The following FIP1L1 variants were observed in gnomAD, a reference collection of about 807,000 sequenced individuals.
The protein encoded by FIP1L1 is pre-mRNA 3'-end-processing factor FIP1.
FIP1L1 carries 21 observed loss-of-function variants against 84.6 expected under a neutral mutation model. The ratio of observed to expected loss-of-function variants is 0.25; its 90% confidence interval spans 0.18 to 0.36. The LOEUF is 0.36. FIP1L1 is among the 10% of genes least tolerant of loss of function. The pLI is 1.00. For synonymous variants in FIP1L1, 263 were observed against 242.3 expected (o/e 1.09, Z -0.80); for missense variants, 526 against 751.1 (o/e 0.70, Z 3.50).
At chr4:53,411,408 A>G (rs1757170488) in intron 10 of FIP1L1, among the ~76,000 whole-genome samples, 1 of 152,182 alleles carries the variant, frequency 6.6e-6, no homozygotes, top group African/African-American at 2.4e-5. Flanking sequence ...ACTCATTAGG[A>G]AAGTTTGTTT....
chr4:53,407,674 T>C (rs1054913740), intron 10 of FIP1L1, among the ~76,000 whole-genome samples: 23 of 152,024 alleles, frequency 1.5e-4, no homozygotes, highest in African/African-American at 4.1e-4. Context: ...CAGGACTTGC[T>C]TTATGATTCT....
At chr4:53,449,648 GAAT>G (rs1775592163) in intron 15 of FIP1L1, among the ~76,000 whole-genome samples, 1 of 151,912 alleles carries the variant, frequency 6.6e-6, no homozygotes, top group Admixed American at 6.6e-5. Flanking sequence ...ATAAGTCAGG[GAAT>G]AATCTTTTTT....
intron 14 of FIP1L1, 71 bp from the exon 15 acceptor site, chr4:53,443,977 T>G (rs1773116800): frequency 2.9e-6 from 3 of 1,050,904 alleles, no homozygotes. Context: ...TTGTTTTTCC[T>G]TTTGTACTAC....
At chr4:53,429,910 G>T (rs562167317) in intron 13 of FIP1L1, among the ~76,000 whole-genome samples, 12 of 152,082 alleles carry the variant, frequency 7.9e-5, no homozygotes, top group Non-Finnish European at 1.5e-4. Context: ...TCATTTTACT[G>T]AAACTTTTGT....
chr4:53,408,258 T>C (rs1754925282), intron 10 of FIP1L1, among the ~76,000 whole-genome samples: 1 of 152,202 alleles, frequency 6.6e-6, no homozygotes, highest in Non-Finnish European at 1.5e-5. Flanking sequence ...TTATGAAGCT[T>C]AATTTGGCTG....
intron 11 of FIP1L1, 96 bp from the exon 12 acceptor site, chr4:53,425,776 A>T (rs1216835758): frequency 1.2e-6 from 1 of 834,720 alleles, no homozygotes; most frequent in Admixed American, 2.5e-5. Context: ...TTTAAAATTT[A>T]TTGCAAACAC....
At chr4:53,378,069 G>T in intron 1 of FIP1L1, 146 bp downstream of exon 1, 3 of 656,464 alleles carry the variant, frequency 4.6e-6, no homozygotes, top group Non-Finnish European at 7.1e-6. Flanking sequence ...CGAGCGCGGC[G>T]TGCGCGTGCC....
chr4:53,398,353 T>A (rs1320457658), intron 9 of FIP1L1, among the ~76,000 whole-genome samples: 1 of 152,200 alleles, frequency 6.6e-6, no homozygotes, highest in Non-Finnish European at 1.5e-5. Context: ...AAATGTAAGA[T>A]CCTCATTATA....
rs191615069 is a variant in FIP1L1, at chr4:53,395,479, G to C, written c.705+3981G>C. ...GTGCCAGGAAGTACCTTAGGCTTTG[G>C]GGGGAAGGGGAGGTCACCATAATAG... On this transcript the variant is annotated intron_variant, in intron 9 of 17. Coordinates refer to ENST00000337488, the MANE Select transcript of FIP1L1 (RefSeq NM_030917.4). Among the ~76,000 whole-genome samples the C allele has an allele frequency of 7.3e-3, 1,115 of 152,238 alleles. 12 individuals are homozygous for C. Among genetic ancestry groups the C allele is most frequent in the African/African-American group, 0.025 (1,054 of 41,542 alleles).
chr4:53,377,979 C>T, intron 1 of FIP1L1, 56 bp downstream of exon 1: 2 of 1,417,664 alleles, frequency 1.4e-6, no homozygotes, highest in South Asian at 1.4e-5. Flanking sequence ...CCTCTTGGCC[C>T]TCAAACGGCC....
At chr4:53,382,176 A>T (rs1224407314) in intron 3 of FIP1L1, 102 bp from the exon 4 acceptor site, 3 of 774,840 alleles carry the variant, frequency 3.9e-6, no homozygotes, top group Middle Eastern at 3.3e-4. Flanking sequence ...AGTGGAGACA[A>T]TAATTTTAGG....
intron 13 of FIP1L1, among the ~76,000 whole-genome samples, chr4:53,437,534 C>T (rs993571490): frequency 1.2e-4 from 18 of 151,674 alleles, no homozygotes; most frequent in Non-Finnish European, 2.5e-4. Flanking sequence ...CAGTGATCCT[C>T]ATAGTATAGT....
At chr4:53,411,618 C>T (rs990620758) in intron 10 of FIP1L1, among the ~76,000 whole-genome samples, 2 of 152,150 alleles carry the variant, frequency 1.3e-5, no homozygotes, top group African/African-American at 4.8e-5. Flanking sequence ...ATGTTTAAGA[C>T]TAATGAGCTG....
chr4:53,410,872 A>G (rs1318883232), intron 10 of FIP1L1, among the ~76,000 whole-genome samples: 1 of 152,178 alleles, frequency 6.6e-6, no homozygotes, highest in Non-Finnish European at 1.5e-5. Context: ...ATCATTGTAC[A>G]TATTGGGTTC....
At chr4:53,430,966 T>C (rs1766380495) in intron 13 of FIP1L1, among the ~76,000 whole-genome samples, 1 of 152,166 alleles carries the variant, frequency 6.6e-6, no homozygotes, top group South Asian at 2.1e-4. Context: ...AAGTTGAGAC[T>C]CTCTGAATTG....
At chr4:53,405,105 A>T (rs1388661782) in intron 10 of FIP1L1, among the ~76,000 whole-genome samples, 10 of 152,074 alleles carry the variant, frequency 6.6e-5, no homozygotes, top group African/African-American at 2.2e-4. Context: ...CTGAATGGTA[A>T]TGCCTAGGTT....
chr4:53,382,261 A>G lies in FIP1L1; in HGVS notation c.171-17A>G, dbSNP rs1441612533. 6.3e-7 allele frequency: 1 copy of G among 1,599,922 alleles called. No homozygotes were observed. The highest frequency in any genetic ancestry group is 1.1e-5 in the South Asian group (1 of 90,764). The stretch of plus-strand genomic sequence containing the variant: ...AAAGTAATGCCTGACATGTATACTT[A>G]CTTTTGTTGTTTGTAGTGCTAATCC... On this transcript the variant is annotated splice_polypyrimidine_tract_variant and intron_variant, in intron 3 of 17. Coordinates refer to ENST00000337488, the MANE Select transcript of FIP1L1 (RefSeq NM_030917.4).
intron 10 of FIP1L1, among the ~76,000 whole-genome samples, chr4:53,404,287 T>G (rs1294435528): frequency 6.6e-6 from 1 of 151,078 alleles, no homozygotes; most frequent in African/African-American, 2.4e-5. Flanking sequence ...TGTGATAGTT[T>G]ACTGAGAATG....
At chr4:53,399,015 G>C (rs930379878) in intron 9 of FIP1L1, among the ~76,000 whole-genome samples, 1 of 152,110 alleles carries the variant, frequency 6.6e-6, no homozygotes, top group Non-Finnish European at 1.5e-5. Context: ...GCCAGGCATG[G>C]TGGTGCACAC....
Sources: gnomAD v4.1 joint callset for allele counts (sites outside exome capture counted in the v4.1 genomes callset) on GRCh38, gnomAD v4.1.1 for gene constraint, MANE v1.5 for transcripts, NCBI Gene and HGNC (gene_info 2026-07-23, HGNC 2026-07-21) for gene names.